TNRC6A: variants seen among roughly 807,000 people sequenced by gnomAD.
TNRC6A encodes trinucleotide repeat containing adaptor 6A.
A neutral mutation model predicts 221.2 loss-of-function variants in TNRC6A; 44 were observed. That is an observed-to-expected ratio of 0.20 (90% confidence interval 0.16 to 0.26). TNRC6A has a LOEUF of 0.26. Among genes scored for constraint, TNRC6A ranks in the 10% least tolerant of loss-of-function variants. The probability of loss-of-function intolerance (pLI) is 1.00; values close to 1 mark genes in which losing one functional copy is unlikely to be tolerated. For missense variants in TNRC6A, 2,199 were observed against 2,404.4 expected, an observed-to-expected ratio of 0.91 and a Z score of 1.79; for synonymous variants, 847 against 838.5, an observed-to-expected ratio of 1.01 and a Z score of -0.18.
At chr16:24,770,888 T>A (rs2057576587) in intron 4 of TNRC6A, among the ~76,000 whole-genome samples, 2 of 152,230 alleles carry the variant, frequency 1.3e-5, no homozygotes, top group South Asian at 4.1e-4. Flanking sequence ...TCCTCAAAAC[T>A]CTTTCATGAG....
rs78060466 is a variant in TNRC6A at position 24,754,747 on chromosome 16, A to G, written c.142-3592A>G. Among the ~76,000 whole-genome samples, 1,092 of 152,262 alleles carry G rather than the reference A, an allele frequency of 7.2e-3. 26 individuals are homozygous for G. The highest frequency in any genetic ancestry group is 0.034 in the Admixed American group (515 of 15,290). On this transcript the variant is annotated intron_variant, in intron 3 of 24. Coordinates refer to ENST00000395799, the MANE Select transcript of TNRC6A (RefSeq NM_014494.4). Reference sequence around the variant, plus strand: ...GTGTAACCTTTACTTGAAGCATGCAATTGTAGTTCCTAGAAAGCATATAAT... The same window carrying G: ...GTGTAACCTTTACTTGAAGCATGCAGTTGTAGTTCCTAGAAAGCATATAAT...
chr16:24,684,658 C>T (rs1713345025), intron 2 of TNRC6A, among the ~76,000 whole-genome samples: 3 of 151,280 alleles, frequency 2.0e-5, no homozygotes, highest in African/African-American at 7.3e-5. Context: ...ATTTAAAAAT[C>T]GGCTGAGTGA....
chr16:24,667,828 C>T (rs1266410722), intron 2 of TNRC6A, among the ~76,000 whole-genome samples: 1 of 152,058 alleles, frequency 6.6e-6, no homozygotes, highest in East Asian at 1.9e-4. Flanking sequence ...GACTTGAGGC[C>T]AGGAGTTCAA....
intron 5 of TNRC6A, among the ~76,000 whole-genome samples, chr16:24,781,339 G>A (rs1252527666): frequency 6.6e-6 from 1 of 151,954 alleles, no homozygotes; most frequent in African/African-American, 2.4e-5. Flanking sequence ...GATTACAGGT[G>A]TGAGCCACCA....
chr16:24,638,278 C>T (rs1470350341), intron 1 of TNRC6A, among the ~76,000 whole-genome samples: 5 of 151,846 alleles, frequency 3.3e-5, no homozygotes, highest in African/African-American at 7.3e-5. Flanking sequence ...ATTAGCCCAG[C>T]GTGATGGCAC....
At position 24,791,044 on chromosome 16, in the gene TNRC6A, A is replaced by G. The variant is rs1314063378; in HGVS notation, c.2402A>G (p.Gln801Arg). Residue 801 changes from glutamine (Q) to arginine (R), a missense_variant, in exon 6 of 25, where the codon CAG (glutamine) becomes CGG (arginine). Physicochemically the swap from Gln to Arg is conservative, Grantham distance 43. Transcript: ENST00000395799. Reference sequence around the variant, plus strand: ...GGAGATTCCAAAGGCTCAAACTGCCAGGGGGGGTGGGAAGATGATTCTGCT... The same window carrying G: ...GGAGATTCCAAAGGCTCAAACTGCCGGGGGGGGTGGGAAGATGATTCTGCT... Reference protein sequence around the residue: ...RWGDSKGSNCQGGWEDDSAAT... With the variant: ...RWGDSKGSNCRGGWEDDSAAT... 5 of 1,594,482 alleles carry G rather than the reference A, an allele frequency of 3.1e-6. No individual in the cohort carries two copies. The highest frequency in any genetic ancestry group is 3.4e-6 in the Non-Finnish European group (4 of 1,169,876).
intron 5 of TNRC6A, chr16:24,778,446 G>A (rs1413829672): frequency 2.0e-6 from 2 of 985,324 alleles, no homozygotes; most frequent in Non-Finnish European, 2.4e-6. Context: ...GATGTGATTG[G>A]TAATGAGGAA....
intron 2 of TNRC6A, among the ~76,000 whole-genome samples, chr16:24,665,236 A>ATT (rs201893886): frequency 1.3e-5 from 2 of 151,404 alleles, no homozygotes; most frequent in African/African-American, 4.8e-5. Context: ...AAACTGGCTA[A>ATT]TTTTTTTTTA....
chr16:24,754,208 A>G (rs2057198285), intron 3 of TNRC6A, among the ~76,000 whole-genome samples: 1 of 152,196 alleles, frequency 6.6e-6, no homozygotes, highest in Non-Finnish European at 1.5e-5. Flanking sequence ...ATAAAAAGCC[A>G]GATAACACAA....
chr16:24,725,227 T>C (rs1439455673), upstream of TNRC6A, among the ~76,000 whole-genome samples: 1 of 152,120 alleles, frequency 6.6e-6, no homozygotes, highest in Non-Finnish European at 1.5e-5. Flanking sequence ...TGGAGTGCAG[T>C]AGCATTATCT....
chr16:24,707,072 T>G (rs1169802126), intron 2 of TNRC6A, among the ~76,000 whole-genome samples: 1 of 151,968 alleles, frequency 6.6e-6, no homozygotes, highest in Non-Finnish European at 1.5e-5. Context: ...CTCAACTCAT[T>G]GCGGTCTCTG....
intron 8 of TNRC6A, chr16:24,795,702 A>T: frequency 2.2e-6 from 1 of 449,320 alleles, no homozygotes; most frequent in Non-Finnish European, 4.0e-6. Flanking sequence ...AAGTGCTTTT[A>T]CATGTTTTAC....
At chr16:24,699,722 CAAAA>C (rs10713054) in intron 2 of TNRC6A, among the ~76,000 whole-genome samples, 1 of 96,466 alleles carries the variant, frequency 1.0e-5, no homozygotes, top group Admixed American at 1.0e-4. Flanking sequence ...CTGTCTCTAC[CAAAA>C]AAAAAAAAAA....
intron 18 of TNRC6A, among the ~76,000 whole-genome samples, chr16:24,814,628 T>G (rs557331432): frequency 1.3e-5 from 2 of 152,194 alleles, no homozygotes; most frequent in African/African-American, 4.8e-5. Flanking sequence ...TTGGCCAGGT[T>G]GGTCTCGATC....
rs369896347 is a variant in TNRC6A, at chr16:24,701,983, CA to C, written n.403-48738del. Among the ~76,000 whole-genome samples the C allele has an allele frequency of 2.3e-3, 354 of 151,506 alleles. 1 individual carries two copies. Among genetic ancestry groups the C allele is most frequent in the African/African-American group, 8.2e-3 (338 of 41,414 alleles). On this transcript the variant is annotated intron_variant and non_coding_transcript_variant, in intron 2 of 2. Coordinates refer to the TNRC6A transcript ENST00000566108. ...AAGTCTTTCCTGTACTGAAAAAAAA[CA>C]AAAACAAAAAAAACACGCCTCTCAA...
At chr16:24,626,251 A>G (rs973783083) in intron 1 of TNRC6A, among the ~76,000 whole-genome samples, 2 of 152,036 alleles carry the variant, frequency 1.3e-5, no homozygotes, top group Non-Finnish European at 2.9e-5. Flanking sequence ...AGAATCGCAA[A>G]TCTAGTGGTC....
chr16:24,786,086 T>C (rs1370129440), intron 5 of TNRC6A, among the ~76,000 whole-genome samples: 1 of 152,212 alleles, frequency 6.6e-6, no homozygotes, highest in Non-Finnish European at 1.5e-5. Context: ...AAGATTCTGC[T>C]AAAGATATCT....
intron 2 of TNRC6A, among the ~76,000 whole-genome samples, chr16:24,644,206 C>T (rs1902154941): frequency 6.7e-6 from 1 of 150,326 alleles, no homozygotes; most frequent in South Asian, 2.1e-4. Flanking sequence ...CCTCCCTCAA[C>T]CTCCCCAGTA....
At chr16:24,610,637 C>G (rs1342014457) in intron 1 of TNRC6A, among the ~76,000 whole-genome samples, 1 of 152,166 alleles carries the variant, frequency 6.6e-6, no homozygotes, top group Admixed American at 6.5e-5. Flanking sequence ...ACAGACGCAG[C>G]CTTCCTAAGG....
Sources: allele counts gnomAD v4.1 joint callset (sites outside exome capture counted in the v4.1 genomes callset), GRCh38; gene constraint gnomAD v4.1.1; transcripts MANE v1.5; gene names NCBI Gene and HGNC (gene_info 2026-07-23, HGNC 2026-07-21).